IARS1: variants seen among roughly 807,000 people sequenced by gnomAD.
IARS1 encodes the protein isoleucyl-tRNA synthetase 1.
IARS1 carries 124 observed loss-of-function variants against 168.2 expected under a neutral mutation model. That is an observed-to-expected ratio of 0.74 (90% CI 0.64 to 0.86). The LOEUF (loss-of-function observed/expected upper bound fraction) is 0.86. Among genes scored for constraint, IARS1 ranks in the 40% least tolerant of loss-of-function variants. IARS1 has a pLI of 0.00. For synonymous variants in IARS1, 532 were observed against 529.4 expected (o/e 1.00, Z -0.07); for missense variants, 1,452 against 1,515.8 (o/e 0.96, Z 0.70).
At chr9:92,293,581 G>A (rs947502456) in intron 1 of IARS1, 30 bp downstream of exon 1, 9 of 430,078 alleles carry the variant, frequency 2.1e-5, no homozygotes, top group Non-Finnish European at 3.8e-5. Context: ...GTCTTTGAGG[G>A]CCGGATCCTG....
chr9:92,225,136 A>G (rs1348211074), intron 31 of IARS1, among the ~76,000 whole-genome samples: 1 of 152,214 alleles, frequency 6.6e-6, no homozygotes, highest in East Asian at 1.9e-4. Flanking sequence ...TGTTTCCATT[A>G]TGGGAAAAGG....
Position 92,253,345 on chromosome 9 carries a change from C to T in IARS1, c.2229+17G>A, listed in dbSNP as rs369522255. 31 of 1,548,376 alleles carry T rather than the reference C, an allele frequency of 2.0e-5. No homozygotes were observed. The highest frequency in any genetic ancestry group is 2.7e-5 in the Non-Finnish European group (30 of 1,120,792). On this transcript the variant is annotated intron_variant, in intron 21 of 33. Transcript: ENST00000443024. Reference sequence around the variant, plus strand: ...TTCATACACTTTTTGCTTTTCCCAACAGCAGTCTGCACTTACCTTTAATCT... The same window carrying T: ...TTCATACACTTTTTGCTTTTCCCAATAGCAGTCTGCACTTACCTTTAATCT...
intron 30 of IARS1, among the ~76,000 whole-genome samples, chr9:92,235,966 A>G (rs1426764579): frequency 1.3e-5 from 2 of 152,014 alleles, no homozygotes; most frequent in Non-Finnish European, 1.5e-5. Context: ...TTCATGTGGA[A>G]TATCTGTTTT....
At chr9:92,254,397 C>T (rs547674181) in intron 20 of IARS1, among the ~76,000 whole-genome samples, 1 of 152,138 alleles carries the variant, frequency 6.6e-6, no homozygotes, top group Non-Finnish European at 1.5e-5. Flanking sequence ...GAAACAAATA[C>T]AATTTATAAT....
chr9:92,226,910 G>A (rs1472803792), intron 31 of IARS1, among the ~76,000 whole-genome samples: 3 of 142,938 alleles, frequency 2.1e-5, no homozygotes, highest in African/African-American at 5.3e-5. Context: ...AGATAAACAA[G>A]TGAACAAAGG....
intron 6 of IARS1, among the ~76,000 whole-genome samples, chr9:92,281,135 C>CTTTTT (rs35960000): frequency 7.4e-6 from 1 of 135,544 alleles, no homozygotes; most frequent in African/African-American, 2.7e-5. Flanking sequence ...CACCTGGTGA[C>CTTTTT]TTTTTTTTTT....
In IARS1 at chr9:92,251,884, C is replaced by T. The variant is rs377132206; in HGVS notation, c.2231G>A (p.Gly744Asp). ...GACACAATCCTCCATCCCATTTTCA[C>T]CCTAATGAGTAAAAAGGAAACATAA... is the stretch of plus-strand genomic sequence containing the variant. The part of the protein sequence containing the change: ...YVRMNRRRLK[G>D]ENGMEDCVMA... Residue 744 changes from glycine to aspartate, a missense_variant and splice_region_variant, in exon 22 of 34, where the codon GGT becomes GAT. Physicochemically the swap from Gly to Asp is moderately conservative, Grantham distance 94. Coordinates refer to ENST00000443024, the MANE Select transcript of IARS1 (RefSeq NM_002161.6). 106 of 1,605,074 alleles carry T rather than the reference C, an allele frequency of 6.6e-5. No homozygotes were observed. Among genetic ancestry groups the T allele is most frequent in the Non-Finnish European group, 8.8e-5 (103 of 1,172,054 alleles).
chr9:92,270,551 T>A (rs868614010), intron 12 of IARS1, among the ~76,000 whole-genome samples: 15 of 152,172 alleles, frequency 9.9e-5, no homozygotes, highest in East Asian at 3.9e-4. Context: ...TCTCAGCACT[T>A]TGGGAGGACA....
In IARS1 at chr9:92,243,291, G is replaced by A; in HGVS notation, c.2925C>T (p.Val975=). 1 of 1,613,206 alleles carries A rather than the reference G, an allele frequency of 6.2e-7. No homozygotes were observed. The highest frequency in any genetic ancestry group is 1.3e-5 in the African/African-American group (1 of 75,026). The change falls in exon 28 of 34, where the codon GTC becomes GTT. Residue 975 remains valine (V), a synonymous_variant. Coordinates refer to ENST00000443024, the MANE Select transcript of IARS1 (RefSeq NM_002161.6). ...SDAQALVLLD[V]TPDQSMVDEG... ...CATCTACCATTGACTGGTCAGGAGT[G>A]ACATCTAAGAGGACCAAAGCCTGTG...
intron 17 of IARS1, among the ~76,000 whole-genome samples, chr9:92,261,580 T>C (rs868105096): frequency 1.3e-5 from 2 of 152,172 alleles, no homozygotes; most frequent in Admixed American, 6.5e-5. Flanking sequence ...AATAAGTATA[T>C]GTAAAACTAG....
chr9:92,226,713 T>C (rs1238304925), intron 31 of IARS1, among the ~76,000 whole-genome samples: 2 of 152,172 alleles, frequency 1.3e-5, no homozygotes, highest in Non-Finnish European at 2.9e-5. Context: ...TCTTGGTTGT[T>C]TCTTGGCTTG....
intron 29 of IARS1, 93 bp downstream of exon 29, chr9:92,242,061 T>G: frequency 1.1e-6 from 1 of 942,756 alleles, no homozygotes; most frequent in South Asian, 1.5e-5. Context: ...TGTGCCGATC[T>G]CTACTGTGGG....
chr9:92,292,406 A>G (rs1344262363), intron 1 of IARS1: 1 of 153,510 alleles, frequency 6.5e-6, no homozygotes, highest in Non-Finnish European at 1.5e-5. Flanking sequence ...GAATCACTGC[A>G]TTATTACGTC....
chr9:92,220,532 G>A (rs1050147099), intron 33 of IARS1, among the ~76,000 whole-genome samples: 11 of 152,094 alleles, frequency 7.2e-5, no homozygotes, highest in African/African-American at 1.2e-4. Context: ...CAGGAGAATC[G>A]CTTGAACCCA....
chr9:92,291,390 T>C (rs1447230012), intron 1 of IARS1, among the ~76,000 whole-genome samples: 3 of 152,236 alleles, frequency 2.0e-5, no homozygotes, highest in African/African-American at 4.8e-5. Flanking sequence ...AATCAAGTTA[T>C]TGATTCAAGT....
intron 33 of IARS1, among the ~76,000 whole-genome samples, chr9:92,221,112 C>G (rs551817749): frequency 6.6e-6 from 1 of 152,198 alleles, no homozygotes; most frequent in African/African-American, 2.4e-5. Context: ...AGAAAAGCAG[C>G]ACCTTACCTG....
intron 14 of IARS1, among the ~76,000 whole-genome samples, chr9:92,266,456 A>G (rs532586510): frequency 1.3e-5 from 2 of 152,356 alleles, no homozygotes; most frequent in East Asian, 3.9e-4. Context: ...CTTCTAAGCT[A>G]CAAACCTGTA....
rs1354348390 is a variant in IARS1, at chr9:92,210,844, A to C, written c.3752T>G (p.Val1251Gly). Residue 1251 changes from valine (V) to glycine (G), a missense_variant, in exon 34 of 34, where the codon GTG (valine) becomes GGG (glycine). Transcript: ENST00000443024. Reference protein sequence around the residue: ...IPVKTLNMKTVYVSVLPTTAD... With the variant: ...IPVKTLNMKTGYVSVLPTTAD... ...TGTTGTTGGTAACACAGAAACATAC[A>C]CAGTCTTCATATTCAAAGTCTTCAC... The C allele has an allele frequency of 4.3e-6, 7 of 1,611,788 alleles. No individual in the cohort carries two copies. The South Asian group carries it at 7.7e-5, about 18-fold the overall frequency.
At chr9:92,291,148 T>C (rs916974362) in intron 1 of IARS1, among the ~76,000 whole-genome samples, 13 of 152,110 alleles carry the variant, frequency 8.5e-5, no homozygotes, top group Non-Finnish European at 1.5e-4. Flanking sequence ...CCTTGAGACC[T>C]TTCCTTCTCA....
Sources: allele counts gnomAD v4.1 joint callset (sites outside exome capture counted in the v4.1 genomes callset), GRCh38; gene constraint gnomAD v4.1.1; transcripts MANE v1.5; gene names NCBI Gene and HGNC (gene_info 2026-07-23, HGNC 2026-07-21).